The following NOS1 variants were observed in gnomAD, a reference collection of about 807,000 sequenced individuals.
NOS1 encodes NOS type I.
NOS1 carries 51 observed loss-of-function variants against 164.5 expected under a neutral mutation model. That is an observed-to-expected ratio of 0.31 (90% CI 0.25 to 0.39). The LOEUF (loss-of-function observed/expected upper bound fraction) is 0.39. Ranked by LOEUF, NOS1 falls within the 10% of genes least tolerant of loss-of-function variation. The pLI is 1.00. For synonymous variants in NOS1, 719 were observed against 745.8 expected (o/e 0.96, Z 0.59); for missense variants, 1,362 against 1,885.6 (o/e 0.72, Z 5.14).
chr12:117,289,821 G>T (rs141240009), intron 4 of NOS1, among the ~76,000 whole-genome samples: 1 of 152,078 alleles, frequency 6.6e-6, no homozygotes, highest in Non-Finnish European at 1.5e-5. Flanking sequence ...GGCATACCCC[G>T]CAAGTCTGCT....
At chr12:117,335,729 T>TGAGGGAGAGAGA (rs1875775864) in intron 1 of NOS1, among the ~76,000 whole-genome samples, 1 of 112,540 alleles carries the variant, frequency 8.9e-6, no homozygotes, top group Non-Finnish European at 1.8e-5. Context: ...ACAGACTATA[T>TGAGGGAGAGAGA]GAGAGAGAGA....
At chr12:117,254,439 C>G (rs564758498) in intron 16 of NOS1, among the ~76,000 whole-genome samples, 2 of 152,146 alleles carry the variant, frequency 1.3e-5, no homozygotes, top group Admixed American at 6.5e-5. Flanking sequence ...CAAGAATCAT[C>G]CTGGGATTTC....
At chr12:117,335,729 T>TGAGTGAGAGAGAGAGAGAGAGAGAGAGA (rs1875775864) in intron 1 of NOS1, among the ~76,000 whole-genome samples, 1 of 112,540 alleles carries the variant, frequency 8.9e-6, no homozygotes, top group Non-Finnish European at 1.8e-5. Flanking sequence ...ACAGACTATA[T>TGAGTGAGAGAGAGAGAGAGAGAGAGAGA]GAGAGAGAGA....
At chr12:117,235,157 A>G (rs914491944) in intron 20 of NOS1, among the ~76,000 whole-genome samples, 5 of 151,974 alleles carry the variant, frequency 3.3e-5, no homozygotes, top group East Asian at 1.9e-4. Flanking sequence ...AGCTGAAGCA[A>G]TCTTCCCACC....
Position 117,227,503 on chromosome 12 carries a change from T to C in NOS1, c.3544A>G (p.Ile1182Val). 6.2e-7 allele frequency: 1 copy of C among 1,613,060 alleles called. No homozygotes were observed. The highest frequency in any genetic ancestry group is 8.5e-7 in the Non-Finnish European group (1 of 1,179,508). ...GGGTACATGTCTGGGGAGGAGCTGA[T>C]GGAATAGTAGCGGGGCTGCAGCAGG... The part of the protein sequence containing the change: ...LSLLQPRYYS[I>V]SSSPDMYPDE... The change falls in exon 23 of 29, where the codon ATC becomes GTC. Residue 1182 changes from isoleucine (I) to valine (V), a missense_variant. By Grantham distance (29) the Ile-to-Val change is conservative. Transcript: ENST00000317775.
Position 117,234,419 on chromosome 12 carries a change from G to C in NOS1, c.3235+146C>G. On this transcript the variant is annotated intron_variant, in intron 21 of 28. Coordinates refer to ENST00000317775, the MANE Select transcript of NOS1 (RefSeq NM_000620.5). The surrounding 1 kb of genome is among the most constrained non-coding windows in gnomAD (Gnocchi z 4.3). Reference sequence around the variant, plus strand: ...AAGGTTGATCAGTCATGAGAAAGGGGGATATCTTTAGTCTCATAGGCTGTT... The same window carrying C: ...AAGGTTGATCAGTCATGAGAAAGGGCGATATCTTTAGTCTCATAGGCTGTT... 1 of 774,072 alleles carries C rather than the reference G, an allele frequency of 1.3e-6. No individual in the cohort carries two copies. The highest frequency in any genetic ancestry group is 2.8e-5 in the East Asian group (1 of 35,998). The allele number at this position is 774,072 out of a possible 1,614,324, so 48.0% of individuals were successfully genotyped here. A position where few individuals can be genotyped will look rare whatever the true frequency, so the allele number is the denominator to read the frequency against.
chr12:117,289,154 C>T (rs1872890113), intron 4 of NOS1, among the ~76,000 whole-genome samples: 1 of 152,160 alleles, frequency 6.6e-6, no homozygotes, highest in African/African-American at 2.4e-5. Context: ...GGTTTGTTGA[C>T]TATTAAAAAT....
rs763292576 is a variant in NOS1 at position 117,212,063 on chromosome 12, C to CA, written c.*3245dup. 0.021 allele frequency: 16,197 copies of CA among 758,254 alleles called. 247 individuals are homozygous for CA. In the East Asian group the frequency reaches 0.23, roughly 11 times the overall value. The allele number at this position is 758,254 out of a possible 1,614,324, so 47.0% of individuals were successfully genotyped here. ...CCTGGGTGACAGAGCAAGACTCTGT[C>CA]AAAAAAAAAAATAGATTCTAACCTT... On this transcript the variant is annotated 3_prime_UTR_variant, in exon 29 of 29. Coordinates refer to ENST00000317775, the MANE Select transcript of NOS1 (RefSeq NM_000620.5).
chr12:117,285,530 A>AG (rs1874043158), intron 6 of NOS1, among the ~76,000 whole-genome samples, 198 bp from the exon 7 acceptor site: 1 of 122,176 alleles, frequency 8.2e-6, no homozygotes, highest in African/African-American at 3.4e-5. Context: ...CAATTTGACC[A>AG]GAAAAAAAAA....
chr12:117,335,748 G>GAGAGAGAGAGAGAGAGAGAGAGAGAT, intron 1 of NOS1, among the ~76,000 whole-genome samples: 1 of 148,456 alleles, frequency 6.7e-6, no homozygotes. Context: ...GAGAGAGAGA[G>GAGAGAGAGAGAGAGAGAGAGAGAGAT]AGAGAGAGAG....
chr12:117,308,652 A>G (rs556251438), intron 3 of NOS1, among the ~76,000 whole-genome samples: 1 of 150,800 alleles, frequency 6.6e-6, no homozygotes, highest in Non-Finnish European at 1.5e-5. Flanking sequence ...GCTGGAGTGC[A>G]GTAGCATGAT....
intron 10 of NOS1, among the ~76,000 whole-genome samples, chr12:117,269,227 T>C (rs1872634003): frequency 6.6e-6 from 1 of 152,036 alleles, no homozygotes; most frequent in Non-Finnish European, 1.5e-5. Context: ...TTCGCAGATC[T>C]GGGGAGAGAG....
Position 117,214,912 on chromosome 12 carries a change from A to C in NOS1, c.*397T>G. ...TCATCATAAAAAAGGAGAAAGGGGG[A>C]CTTCAGTGGCTGAGGGACTGGCTCA... is the stretch of plus-strand genomic sequence containing the variant. On this transcript the variant is annotated 3_prime_UTR_variant, in exon 29 of 29. Transcript: ENST00000317775. 1 of 1,016,100 alleles carries C rather than the reference A, an allele frequency of 9.8e-7. No homozygotes were observed. The highest frequency in any genetic ancestry group is 1.2e-6 in the Non-Finnish European group (1 of 850,628). The allele number at this position is 1,016,100 out of a possible 1,614,324, so 62.9% of individuals were successfully genotyped here. A position where few individuals can be genotyped will look rare whatever the true frequency, so the allele number is the denominator to read the frequency against.
intron 17 of NOS1, among the ~76,000 whole-genome samples, chr12:117,252,274 G>A (rs1455202294): frequency 1.3e-5 from 2 of 152,162 alleles, no homozygotes; most frequent in Admixed American, 6.5e-5. Flanking sequence ...TTCTTTATTC[G>A]GGTTCAAAGG....
intron 1 of NOS1, among the ~76,000 whole-genome samples, chr12:117,331,992 G>A (rs1181087199): frequency 1.3e-5 from 2 of 152,164 alleles, no homozygotes; most frequent in Non-Finnish European, 2.9e-5. Context: ...CAATGATGAC[G>A]AATGTCAGTT....
At chr12:117,282,051 C>T (rs1394474426) in intron 7 of NOS1, among the ~76,000 whole-genome samples, 3 of 152,090 alleles carry the variant, frequency 2.0e-5, no homozygotes, top group East Asian at 1.9e-4. Context: ...AAATAGGCAA[C>T]AGTGAAGGCT....
chr12:117,291,143 G>A (rs1873029053), intron 3 of NOS1, among the ~76,000 whole-genome samples: 1 of 152,160 alleles, frequency 6.6e-6, no homozygotes, highest in Non-Finnish European at 1.5e-5. Flanking sequence ...GAACCCGAGA[G>A]GCAGAGGCTG....
intron 3 of NOS1, among the ~76,000 whole-genome samples, chr12:117,297,829 G>A (rs1873528585): frequency 6.6e-6 from 1 of 152,076 alleles, no homozygotes; most frequent in Admixed American, 6.6e-5. Flanking sequence ...CCAAGCACCT[G>A]CCCTTCCCTA....
intron 26 of NOS1, 30 bp from the exon 27 acceptor site, chr12:117,220,299 G>T (rs1360784700): frequency 6.4e-7 from 1 of 1,566,994 alleles, no homozygotes; most frequent in Non-Finnish European, 8.6e-7. Flanking sequence ...GTGAGAAGGG[G>T]CTGGGCTGTG....
Sources: gnomAD v4.1 joint callset for allele counts (sites outside exome capture counted in the v4.1 genomes callset) on GRCh38, gnomAD v4.1.1 for gene constraint, Gnocchi (gnomAD v3.1) non-coding constraint, MANE v1.5 for transcripts, NCBI Gene and HGNC (gene_info 2026-07-23, HGNC 2026-07-21) for gene names.